Variants in TMC7 observed in about 807,000 individuals in gnomAD.
TMC7 encodes the protein transmembrane channel like 7.
TMC7 carries 54 observed loss-of-function variants against 82.9 expected under a neutral mutation model. That is an observed-to-expected ratio of 0.65 (90% CI 0.52 to 0.82). The LOEUF (loss-of-function observed/expected upper bound fraction) is 0.82, where lower values mean the gene tolerates loss of function less well. Ranked by LOEUF, TMC7 falls within the 40% of genes least tolerant of loss-of-function variation. TMC7 has a pLI of 0.00. For missense variants in TMC7, 820 were observed against 901.2 expected (o/e 0.91, Z 1.15); for synonymous variants, 350 against 337.9 (o/e 1.04, Z -0.39).
At chr16:19,013,162 A>G (rs560865546) in intron 2 of TMC7, among the ~76,000 whole-genome samples, 6 of 151,904 alleles carry the variant, frequency 3.9e-5, no homozygotes, top group Middle Eastern at 6.8e-3. Flanking sequence ...TAAGCTCTTT[A>G]TTTCCTTTAA....
intron 4 of TMC7, among the ~76,000 whole-genome samples, chr16:19,022,038 A>G (rs1960004968): frequency 1.3e-5 from 2 of 152,148 alleles, no homozygotes; most frequent in South Asian, 2.1e-4. Flanking sequence ...ACAAAGGTTC[A>G]TTTCTCACTC....
intron 1 of TMC7, among the ~76,000 whole-genome samples, chr16:18,994,373 G>A (rs931038274): frequency 4.0e-5 from 6 of 151,614 alleles, no homozygotes; most frequent in Admixed American, 6.6e-5. Context: ...GCTACAGGGC[G>A]CACTCCTGGC....
At position 19,047,142 on chromosome 16, in the gene TMC7, C is replaced by T. The variant is rs1462432214; in HGVS notation, c.1633C>T (p.Leu545=). Residue 545 remains leucine, a synonymous_variant, in exon 12 of 16, where the codon CTG becomes TTG. Transcript: ENST00000304381. ...GGAGTTTGCCATTCCTGATAACGTC[C>T]TGGGGATAGTTTACGGGCAAACCAT... The part of the protein sequence containing the change: ...QQEFAIPDNV[L]GIVYGQTICW... 2 of 1,613,934 alleles carry T rather than the reference C, an allele frequency of 1.2e-6. No homozygotes were observed. Among genetic ancestry groups the T allele is most frequent in the African/African-American group, 1.3e-5 (1 of 74,902 alleles).
intron 12 of TMC7, among the ~76,000 whole-genome samples, chr16:19,050,067 A>G (rs1342084151): frequency 6.6e-6 from 1 of 152,112 alleles, no homozygotes; most frequent in East Asian, 1.9e-4. Context: ...TATAAGGAAT[A>G]CATACTTAAA....
At chr16:19,022,169 AT>A (rs1960010287) in intron 4 of TMC7, among the ~76,000 whole-genome samples, 2 of 152,214 alleles carry the variant, frequency 1.3e-5, no homozygotes, top group African/African-American at 4.8e-5. Flanking sequence ...CATACAAAAT[AT>A]GTAAAAAAGA....
chr16:18,989,394 C>G (rs1370312374), intron 1 of TMC7, among the ~76,000 whole-genome samples: 1 of 152,178 alleles, frequency 6.6e-6, no homozygotes, highest in Non-Finnish European at 1.5e-5. Flanking sequence ...CAAGGGCCCT[C>G]AGTGGCTTTT....
intron 11 of TMC7, among the ~76,000 whole-genome samples, chr16:19,045,886 G>A (rs1179659239): frequency 2.0e-5 from 3 of 151,900 alleles, no homozygotes; most frequent in Non-Finnish European, 2.9e-5. Context: ...ATGAGCCACC[G>A]CGCCCGGCCA....
intron 4 of TMC7, 109 bp downstream of exon 4, chr16:19,021,905 T>A: frequency 7.6e-7 from 1 of 1,307,432 alleles, no homozygotes; most frequent in Non-Finnish European, 1.0e-6. Context: ...GGCGACTGTA[T>A]TAGTCAGGAT....
intron 9 of TMC7, among the ~76,000 whole-genome samples, chr16:19,041,490 C>T (rs1008003145): frequency 6.6e-6 from 1 of 152,010 alleles, no homozygotes; most frequent in Non-Finnish European, 1.5e-5. Context: ...CTCAGCCTCT[C>T]AAATAGCTGG....
chr16:18,990,647 C>T (rs1022159178), intron 1 of TMC7, among the ~76,000 whole-genome samples: 7 of 152,094 alleles, frequency 4.6e-5, no homozygotes, highest in Non-Finnish European at 1.0e-4. Flanking sequence ...GTGGGATTAT[C>T]GTTGGTTCTT....
chr16:19,045,527 C>A, intron 11 of TMC7, 89 bp downstream of exon 11: 1 of 907,572 alleles, frequency 1.1e-6, no homozygotes, highest in Non-Finnish European at 1.8e-6. Flanking sequence ...GGTCCCATTG[C>A]AGCTGCATTC....
chr16:19,049,394 G>A (rs182451832), intron 12 of TMC7, among the ~76,000 whole-genome samples: 1 of 152,290 alleles, frequency 6.6e-6, no homozygotes, highest in East Asian at 1.9e-4. Flanking sequence ...CAGCTTTTAA[G>A]TGACCCCTTG....
intron 1 of TMC7, among the ~76,000 whole-genome samples, chr16:19,005,550 A>T (rs1011045137): frequency 2.1e-4 from 32 of 152,308 alleles, no homozygotes; most frequent in African/African-American, 6.7e-4. Flanking sequence ...TGTGACTCTG[A>T]GGCAGCTGTG....
At chr16:19,017,667 G>GTTTT (rs35738895) in intron 3 of TMC7, among the ~76,000 whole-genome samples, 14 of 111,098 alleles carry the variant, frequency 1.3e-4, no homozygotes, top group South Asian at 3.0e-4. Context: ...TCAAAAAACA[G>GTTTT]TTTTTTTTTT....
chr16:19,017,512 G>A (rs1959754797), intron 3 of TMC7, among the ~76,000 whole-genome samples: 1 of 151,300 alleles, frequency 6.6e-6, no homozygotes, highest in African/African-American at 2.4e-5. Flanking sequence ...CAGACATACA[G>A]TTATCATATT....
chr16:19,008,685 T>G (rs1453816536), intron 1 of TMC7, among the ~76,000 whole-genome samples: 1 of 152,204 alleles, frequency 6.6e-6, no homozygotes, highest in African/African-American at 2.4e-5. Flanking sequence ...CTTAACACCA[T>G]GCCTGACACA....
intron 9 of TMC7, among the ~76,000 whole-genome samples, chr16:19,042,212 G>A (rs1961045065): frequency 6.6e-6 from 1 of 151,698 alleles, no homozygotes; most frequent in Non-Finnish European, 1.5e-5. Context: ...TTTTGAGACT[G>A]GGTCCAGGCT....
intron 2 of TMC7, among the ~76,000 whole-genome samples, chr16:19,015,271 T>A (rs1042278841): frequency 6.7e-6 from 1 of 148,668 alleles, no homozygotes; most frequent in African/African-American, 2.5e-5. Flanking sequence ...GCCTCCTTGT[T>A]TTTTTTTTTG....
intron 5 of TMC7, among the ~76,000 whole-genome samples, chr16:19,028,492 T>C (rs1244545516): frequency 6.6e-6 from 1 of 152,202 alleles, no homozygotes; most frequent in Non-Finnish European, 1.5e-5. Context: ...CGATTCCATA[T>C]GAATTTTAGG....
Sources: gnomAD v4.1 joint callset for allele counts (sites outside exome capture counted in the v4.1 genomes callset) on GRCh38, gnomAD v4.1.1 for gene constraint, MANE v1.5 for transcripts, NCBI Gene and HGNC (gene_info 2026-07-23, HGNC 2026-07-21) for gene names.